TENM3: variants seen among roughly 807,000 people sequenced by gnomAD.
The protein encoded by TENM3 is teneurin transmembrane protein 3, also known as teneurin-3.
TENM3 carries 63 observed loss-of-function variants against 255.1 expected under a neutral mutation model. The ratio of observed to expected loss-of-function variants is 0.25; its 90% CI spans 0.20 to 0.30. The LOEUF is 0.30. Ranked by LOEUF, TENM3 falls within the 10% of genes least tolerant of loss-of-function variation. The probability of loss-of-function intolerance (pLI) is 1.00; values close to 1 mark genes in which losing one functional copy is unlikely to be tolerated. For synonymous variants in TENM3, 1,306 were observed against 1,322.3 expected (o/e 0.99, Z 0.27); for missense variants, 2,929 against 3,461.1 (o/e 0.85, Z 3.86).
the TENM3 span, among the ~76,000 whole-genome samples, chr4:181,733,798 T>C: frequency 6.6e-6 from 1 of 152,344 alleles, no homozygotes; most frequent in South Asian, 2.1e-4. Flanking sequence ...TTCTTTGTTT[T>C]TCAGGACCAC....
chr4:182,263,782 G>A (rs141447343), intron 1 of TENM3, among the ~76,000 whole-genome samples: 1 of 152,286 alleles, frequency 6.6e-6, no homozygotes, highest in African/African-American at 2.4e-5. Flanking sequence ...CAGAGACCAC[G>A]TGTCGAAACT....
At chr4:182,432,192 C>T (rs954447042) in intron 3 of TENM3, among the ~76,000 whole-genome samples, 10 of 151,660 alleles carry the variant, frequency 6.6e-5, no homozygotes, top group Non-Finnish European at 1.0e-4. Flanking sequence ...GAGAAGAAGA[C>T]GACATGAAAT....
At chr4:181,698,417 T>C in the TENM3 span, among the ~76,000 whole-genome samples, 1 of 152,070 alleles carries the variant, frequency 6.6e-6, no homozygotes, top group Non-Finnish European at 1.5e-5. Flanking sequence ...CCAACAAACT[T>C]TTCCATAGAC....
intron 3 of TENM3, among the ~76,000 whole-genome samples, chr4:182,518,694 T>G (rs1432383169): frequency 1.3e-5 from 2 of 152,150 alleles, no homozygotes; most frequent in East Asian, 3.9e-4. Flanking sequence ...GACACCTTGA[T>G]TTCAACCTGG....
At chr4:181,665,662 CAT>C in the TENM3 span, among the ~76,000 whole-genome samples, 1 of 151,800 alleles carries the variant, frequency 6.6e-6, no homozygotes, top group African/African-American at 2.4e-5. Flanking sequence ...CATATACAGA[CAT>C]ATTATGTACA....
chr4:182,680,177 A>G (rs2152564906), intron 8 of TENM3, 71 bp from the exon 9 acceptor site: 1 of 1,095,366 alleles, frequency 9.1e-7, no homozygotes, highest in East Asian at 2.4e-5. Flanking sequence ...AATGAAGATC[A>G]AAGTGATACC....
the TENM3 span, among the ~76,000 whole-genome samples, chr4:181,867,177 G>A: frequency 1.3e-5 from 2 of 152,110 alleles, no homozygotes; most frequent in East Asian, 3.9e-4. Context: ...GAATTGTTAC[G>A]AGTGACTTAA....
intron 3 of TENM3, among the ~76,000 whole-genome samples, chr4:182,569,321 G>A (rs529672050): frequency 2.7e-4 from 41 of 152,114 alleles, no homozygotes; most frequent in Non-Finnish European, 4.3e-4. Context: ...TTGGGAAGCC[G>A]AGGCAGGCAG....
intron 1 of TENM3, among the ~76,000 whole-genome samples, chr4:182,289,371 T>A (rs1760960553): frequency 6.6e-6 from 1 of 152,250 alleles, no homozygotes; most frequent in African/African-American, 2.4e-5. Flanking sequence ...GGATATGTCA[T>A]CGCCCCCTCT....
chr4:182,028,819 A>T, the TENM3 span, among the ~76,000 whole-genome samples: 5 of 152,042 alleles, frequency 3.3e-5, no homozygotes, highest in Admixed American at 3.3e-4. Context: ...GCTTGATATT[A>T]TTTCAATTTT....
chr4:182,083,567 A>G, the TENM3 span, among the ~76,000 whole-genome samples: 1 of 152,210 alleles, frequency 6.6e-6, no homozygotes, highest in Non-Finnish European at 1.5e-5. Flanking sequence ...CGTTAAAGGC[A>G]TTGTTAACAG....
At chr4:181,706,664 C>T in the TENM3 span, among the ~76,000 whole-genome samples, 2 of 152,026 alleles carry the variant, frequency 1.3e-5, no homozygotes, top group East Asian at 1.9e-4. Flanking sequence ...AACAAACAGG[C>T]GAAGGAAGCT....
In TENM3 at chr4:182,289,417, G is replaced by A. The variant is rs112949926; in HGVS notation, c.-75-34529G>A. Among the ~76,000 whole-genome samples the A allele has an allele frequency of 1.5e-3, 223 of 152,316 alleles. 3 individuals carry two copies. The highest frequency in any genetic ancestry group is 5.1e-3 in the African/African-American group (213 of 41,572). On this transcript the variant is annotated intron_variant, in intron 1 of 27. Coordinates refer to ENST00000511685, the MANE Select transcript of TENM3 (RefSeq NM_001080477.4). ...CGAGGGCGGAGGGTGAGCAGTGCAG[G>A]GCCCTGCCCTCTGCCTGCCCAGGAG...
the TENM3 span, among the ~76,000 whole-genome samples, chr4:181,463,083 T>C: frequency 6.6e-6 from 1 of 152,186 alleles, no homozygotes; most frequent in African/African-American, 2.4e-5. Flanking sequence ...CATAGTCTGA[T>C]CTCTCTCTAC....
the TENM3 span, among the ~76,000 whole-genome samples, chr4:181,789,210 C>T: frequency 1.4e-5 from 2 of 140,672 alleles, no homozygotes; most frequent in Admixed American, 7.0e-5. Context: ...TTATAAAGAG[C>T]CCCCTTTATT....
intron 22 of TENM3, among the ~76,000 whole-genome samples, chr4:182,755,683 CA>C (rs1278269281): frequency 6.6e-6 from 1 of 151,594 alleles, no homozygotes; most frequent in South Asian, 2.1e-4. Flanking sequence ...ACTAAAAATA[CA>C]AAAAAAATAG....
chr4:181,553,997 T>G, the TENM3 span, among the ~76,000 whole-genome samples: 1 of 152,182 alleles, frequency 6.6e-6, no homozygotes, highest in Admixed American at 6.5e-5. Context: ...CTTCAGCTAC[T>G]GACTCTGCTC....
chr4:181,786,062 G>A, the TENM3 span, among the ~76,000 whole-genome samples: 281 of 152,214 alleles, frequency 1.8e-3, 1 homozygote, highest in Middle Eastern at 3.4e-3. Context: ...GATTCCATAC[G>A]CAAGCCAAAC....
At chr4:182,253,171 A>G (rs1758139902) in intron 1 of TENM3, among the ~76,000 whole-genome samples, 1 of 152,220 alleles carries the variant, frequency 6.6e-6, no homozygotes, top group Admixed American at 6.5e-5. Flanking sequence ...CATCATCCCC[A>G]GTAAGAATTA....
Sources: gnomAD v4.1 joint callset for allele counts (sites outside exome capture counted in the v4.1 genomes callset) on GRCh38, gnomAD v4.1.1 for gene constraint, MANE v1.5 for transcripts, NCBI Gene and HGNC (gene_info 2026-07-23, HGNC 2026-07-21) for gene names.